NLRP5: variants seen among roughly 807,000 people sequenced by gnomAD.
The protein encoded by NLRP5 is NACHT, LRR and PYD domains-containing protein 5.
NLRP5 carries 93 observed loss-of-function variants against 113.1 expected under a neutral mutation model. The ratio of observed to expected loss-of-function variants is 0.82; its 90% CI spans 0.70 to 0.98. The LOEUF is 0.98. Among genes scored for constraint, NLRP5 ranks in the 50% least tolerant of loss-of-function variants. NLRP5 has a pLI of 0.00. For synonymous variants in NLRP5, 751 were observed against 600.7 expected, an observed-to-expected ratio of 1.25 and a Z score of -3.66; for missense variants, 1,808 against 1,514.3, an observed-to-expected ratio of 1.19 and a Z score of -3.22.
chr19:56,009,257 T>C (rs1179969756), intron 3 of NLRP5, among the ~76,000 whole-genome samples: 6 of 144,174 alleles, frequency 4.2e-5, no homozygotes, highest in African/African-American at 1.6e-4. Flanking sequence ...GGAGAATCAC[T>C]TGGACCCGGT....
chr19:56,030,417 G>A (rs1444777247), intron 7 of NLRP5, among the ~76,000 whole-genome samples: 1 of 152,118 alleles, frequency 6.6e-6, no homozygotes, highest in South Asian at 2.1e-4. Flanking sequence ...AGCACCTGCT[G>A]TGTGCTAAGG....
chr19:55,999,889 G>A (rs1352477009), intron 1 of NLRP5: 6 of 839,934 alleles, frequency 7.1e-6, no homozygotes, highest in South Asian at 1.4e-5. Flanking sequence ...CTGCTGCAAT[G>A]TTATTAGCAA....
At chr19:56,018,897 T>G (rs1450005113) in intron 4 of NLRP5, among the ~76,000 whole-genome samples, 1 of 152,152 alleles carries the variant, frequency 6.6e-6, no homozygotes, top group Non-Finnish European at 1.5e-5. Flanking sequence ...AAGTTCAAGT[T>G]ACTCTCCTGC....
chr19:56,024,292 A>C (rs1982725931), intron 6 of NLRP5, among the ~76,000 whole-genome samples: 5 of 149,948 alleles, frequency 3.3e-5, no homozygotes, highest in Admixed American at 2.0e-4. Context: ...ACTTGAGGTC[A>C]GGAGTTCAAC....
chr19:56,012,369 C>G (rs959556578), intron 3 of NLRP5, among the ~76,000 whole-genome samples: 1 of 150,362 alleles, frequency 6.7e-6, no homozygotes, highest in African/African-American at 2.4e-5. Flanking sequence ...AGGCTGCCTT[C>G]GAACTCCTGA....
the NLRP5 span, among the ~76,000 whole-genome samples, chr19:55,993,409 CCTCCTCT>C: frequency 2.9e-5 from 1 of 34,842 alleles, no homozygotes; most frequent in Non-Finnish European, 4.8e-5. Context: ...CTCCTCTCCC[CCTCCTCT>C]CCCCCTCCTC....
chr19:56,013,596 G>GGTGTTTTTTT (rs1555765383), intron 3 of NLRP5, among the ~76,000 whole-genome samples: 1 of 59,284 alleles, frequency 1.7e-5, no homozygotes. Context: ...GGACATTTGG[G>GGTGTTTTTTT]TTTTTTTTTT....
Position 56,004,003 on chromosome 19 carries a change from A to G in NLRP5, c.350A>G (p.Tyr117Cys), listed in dbSNP as rs778039113. 3 of 1,614,012 alleles carry G rather than the reference A, an allele frequency of 1.9e-6. No individual in the cohort carries two copies. Among genetic ancestry groups the G allele is most frequent in the Non-Finnish European group, 8.5e-7 (1 of 1,179,880 alleles). ...CTGGCACTCCTCTTGCATGAGTATT[A>G]TGGAGCATCGCTGGCCTGGGCTACG... Residue 117 changes from tyrosine (Y) to cysteine (C), a missense_variant, in exon 2 of 15, where the codon TAT (tyrosine) becomes TGT (cysteine). By Grantham distance (194) the Tyr-to-Cys change is radical. Coordinates refer to ENST00000390649, the MANE Select transcript of NLRP5 (RefSeq NM_153447.4).
chr19:56,015,931 C>T lies in NLRP5; in HGVS notation c.565+133C>T, dbSNP rs80269550. On this transcript the variant is annotated intron_variant, in intron 4 of 14. Transcript: ENST00000390649. The stretch of plus-strand genomic sequence containing the variant: ...TCATTTGTCTCTGGTGTGTGAGTCC[C>T]TCTTCCCTAAGAGATCTTGGGATCA... 2,972 of 585,650 alleles carry T rather than the reference C, an allele frequency of 5.1e-3. 73 individuals carry two copies. Among genetic ancestry groups the T allele is most frequent in the African/African-American group, 0.049 (2,617 of 53,828 alleles). 36.3% of individuals were successfully genotyped at this position (585,650 alleles called of 1,614,324 possible). A position where few individuals can be genotyped will look rare whatever the true frequency, so the allele number is the denominator to read the frequency against.
intron 12 of NLRP5, 143 bp downstream of exon 12, chr19:56,050,731 G>A (rs2123335831): frequency 1.4e-6 from 1 of 724,240 alleles, no homozygotes; most frequent in Admixed American, 3.0e-5. Flanking sequence ...GGCAATCTAG[G>A]TAAACTGAGG....
At chr19:56,020,127 C>T (rs1483265118) in intron 5 of NLRP5, among the ~76,000 whole-genome samples, 3 of 151,892 alleles carry the variant, frequency 2.0e-5, no homozygotes, top group African/African-American at 7.3e-5. Flanking sequence ...CCACCACGCC[C>T]GACCTACCCC....
At chr19:55,993,925 C>G in the NLRP5 span, among the ~76,000 whole-genome samples, 1 of 151,776 alleles carries the variant, frequency 6.6e-6, no homozygotes, top group Non-Finnish European at 1.5e-5. Context: ...TCTTAGCTAT[C>G]GTGAATAGTG....
intron 2 of NLRP5, among the ~76,000 whole-genome samples, chr19:56,007,865 C>T (rs1376968461): frequency 2.3e-5 from 3 of 128,618 alleles, no homozygotes; most frequent in South Asian, 5.1e-4. Flanking sequence ...GTGTACAAGA[C>T]AGTTTGTGTG....
At chr19:56,039,264 G>A (rs1386773248) in intron 10 of NLRP5, among the ~76,000 whole-genome samples, 2 of 152,208 alleles carry the variant, frequency 1.3e-5, no homozygotes, top group Non-Finnish European at 2.9e-5. Context: ...CACCCAGCGT[G>A]GCAGCCATTA....
chr19:56,004,081 G>T lies in NLRP5; in HGVS notation c.428G>T (p.Arg143Leu). Residue 143 changes from arginine (R) to leucine (L), a missense_variant, in exon 2 of 15, where the codon CGG becomes CTG. Coordinates refer to ENST00000390649, the MANE Select transcript of NLRP5 (RefSeq NM_153447.4). Reference sequence around the variant, plus strand: ...CTGCGAACCCTCTCGGAGAAGGCACGGGATGACATGAAAAGTAAGCGAGAC... The same window carrying T: ...CTGCGAACCCTCTCGGAGAAGGCACTGGATGACATGAAAAGTAAGCGAGAC... The T allele has an allele frequency of 6.2e-7, 1 of 1,606,428 alleles. No individual in the cohort carries two copies. Among genetic ancestry groups the T allele is most frequent in the South Asian group, 1.1e-5 (1 of 90,152 alleles).
chr19:55,987,928 T>A, the NLRP5 span: 1 of 1,580,010 alleles, frequency 6.3e-7, no homozygotes. Context: ...TCCAGTCATC[T>A]TTCTCTGGGG....
intron 2 of NLRP5, 84 bp from the exon 3 acceptor site, chr19:56,008,704 T>G (rs146196473): frequency 2.5e-6 from 3 of 1,218,308 alleles, no homozygotes; most frequent in Non-Finnish European, 3.6e-6. Context: ...CCTCCATAAT[T>G]TGGACACGGG....
chr19:56,003,097 C>A (rs1981718648), intron 1 of NLRP5, among the ~76,000 whole-genome samples: 1 of 151,358 alleles, frequency 6.6e-6, no homozygotes, highest in African/African-American at 2.4e-5. Flanking sequence ...CCAGCCATCC[C>A]ATTACTGGGT....
intron 11 of NLRP5, among the ~76,000 whole-genome samples, chr19:56,044,528 G>A (rs1409781793): frequency 3.3e-5 from 5 of 152,300 alleles, no homozygotes; most frequent in African/African-American, 1.2e-4. Flanking sequence ...TTGGCTGTAA[G>A]TATTTGGGTT....
Sources: allele counts gnomAD v4.1 joint callset (sites outside exome capture counted in the v4.1 genomes callset), GRCh38; gene constraint gnomAD v4.1.1; transcripts MANE v1.5; gene names NCBI Gene and HGNC (gene_info 2026-07-23, HGNC 2026-07-21).